The following ROCK2 variants were observed in gnomAD, a reference collection of about 807,000 sequenced individuals.
The protein encoded by ROCK2 is Rho associated coiled-coil containing protein kinase 2, also known as rho-associated protein kinase 2.
In ROCK2, 61 loss-of-function variants were observed where a neutral mutation model predicts 195.1. The ratio of observed to expected loss-of-function variants is 0.31; its 90% confidence interval spans 0.25 to 0.39. ROCK2 has a LOEUF of 0.39. Ranked by LOEUF, ROCK2 falls within the 10% of genes least tolerant of loss-of-function variation. The probability of loss-of-function intolerance (pLI) is 1.00; values close to 1 mark genes in which losing one functional copy is unlikely to be tolerated. For missense variants in ROCK2, 1,109 were observed against 1,637.4 expected (o/e 0.68, Z 5.57); for synonymous variants, 504 against 545.5 (o/e 0.92, Z 1.06).
At chr2:11,300,729 C>CA (rs767269934) in intron 1 of ROCK2, among the ~76,000 whole-genome samples, 22 of 152,092 alleles carry the variant, frequency 1.4e-4, no homozygotes, top group Non-Finnish European at 2.8e-4. Context: ...CCTGTTTCTA[C>CA]AAAATAGTAC....
At chr2:11,265,599 T>C (rs1666385255) in intron 3 of ROCK2, among the ~76,000 whole-genome samples, 1 of 152,210 alleles carries the variant, frequency 6.6e-6, no homozygotes. Context: ...TGGTTACCTT[T>C]ATGTTTGAAA....
upstream of ROCK2, among the ~76,000 whole-genome samples, chr2:11,344,759 C>T (rs1304720856): frequency 6.7e-6 from 1 of 149,858 alleles, no homozygotes; most frequent in Non-Finnish European, 1.5e-5. The surrounding 1 kb of genome is among the most constrained non-coding windows in gnomAD (Gnocchi z 5.4). Context: ...CCCTTTCTTT[C>T]CCTTCCTGCG....
chr2:11,318,075 G>A (rs1256378745), intron 1 of ROCK2, among the ~76,000 whole-genome samples: 11 of 152,130 alleles, frequency 7.2e-5, no homozygotes, highest in South Asian at 6.2e-4. Context: ...ATAAACATAC[G>A]TGTGCATGTG....
At position 11,202,129 on chromosome 2, in the gene ROCK2, G is replaced by C. The variant is rs369373069; in HGVS notation, c.2550-8C>G. 1.7e-5 allele frequency: 28 copies of C among 1,608,820 alleles called. No homozygotes were observed. The highest frequency in any genetic ancestry group is 2.1e-5 in the Non-Finnish European group (25 of 1,175,730). On this transcript the variant is annotated splice_polypyrimidine_tract_variant and splice_region_variant and intron_variant, in intron 20 of 32. Transcript: ENST00000315872. Reference sequence around the variant, plus strand: ...TCTGCATCCTGACGTTCTCTGTGAGGACAATGAATCAAAGGTTTAAATAAC... The same window carrying C: ...TCTGCATCCTGACGTTCTCTGTGAGCACAATGAATCAAAGGTTTAAATAAC...
At chr2:11,301,470 C>A (rs1667701659) in intron 1 of ROCK2, among the ~76,000 whole-genome samples, 1 of 151,988 alleles carries the variant, frequency 6.6e-6, no homozygotes, top group South Asian at 2.1e-4. Flanking sequence ...AATTAGGCAT[C>A]TTCTCATTCA....
intron 32 of ROCK2, among the ~76,000 whole-genome samples, chr2:11,186,140 CACAGCACAACATTTG>C (rs1185951413): frequency 6.6e-6 from 1 of 152,194 alleles, no homozygotes; most frequent in African/African-American, 2.4e-5. Flanking sequence ...ATGTGCTAAA[CACAGCACAACATTTG>C]AGAAAACACA....
rs1348160083 is a variant in ROCK2 at position 11,235,567 on chromosome 2, T to C, written c.723+135A>G. 2.4e-6 allele frequency: 2 copies of C among 824,446 alleles called. No homozygotes were observed. The highest frequency in any genetic ancestry group is 5.7e-5 in the Admixed American group (2 of 34,794). The allele number at this position is 824,446 out of a possible 1,614,324, so 51.1% of individuals were successfully genotyped here. A position where few individuals can be genotyped will look rare whatever the true frequency, so the allele number is the denominator to read the frequency against. ...GGTTAAGGAAATGTTTTAAGTTGGT[T>C]ATATCTTGTTTGGGTGCTATACAGT... On this transcript the variant is annotated intron_variant, in intron 5 of 32. Transcript: ENST00000315872. This position sits in a 1 kb window ranked among gnomAD's most constrained non-coding sequence, Gnocchi z 4.2.
At chr2:11,195,652 T>C (rs1663606395) in intron 27 of ROCK2, among the ~76,000 whole-genome samples, 1 of 152,144 alleles carries the variant, frequency 6.6e-6, no homozygotes, top group Admixed American at 6.5e-5. Context: ...GTAGCTGGGA[T>C]TACAGGCACG....
At position 11,217,138 on chromosome 2, in the gene ROCK2, T is replaced by C. The variant is rs758533507; in HGVS notation, c.1364A>G (p.His455Arg). 1.7e-5 allele frequency: 27 copies of C among 1,575,546 alleles called. No individual in the cohort carries two copies. In the East Asian group the frequency reaches 4.0e-4, roughly 24 times the overall value. Reference sequence around the variant, plus strand: ...TTTGGCTTGCATCTCATTGCTAAGATGTTCTTCTAATGTATACAGTTTTTT... The same window carrying C: ...TTTGGCTTGCATCTCATTGCTAAGACGTTCTTCTAATGTATACAGTTTTTT... ...IQKKLYTLEEHLSNEMQAKEE... is the reference protein window; with the variant it reads ...IQKKLYTLEERLSNEMQAKEE... Residue 455 changes from histidine to arginine, a missense_variant, in exon 12 of 33, where the codon CAT (histidine) becomes CGT (arginine). Transcript: ENST00000315872.
intron 1 of ROCK2, among the ~76,000 whole-genome samples, chr2:11,331,508 T>C (rs748670540): frequency 6.6e-6 from 1 of 151,876 alleles, no homozygotes; most frequent in Non-Finnish European, 1.5e-5. Context: ...GGGAAAGAAA[T>C]AAGTTTATAA....
intron 4 of ROCK2, among the ~76,000 whole-genome samples, chr2:11,248,708 CAAAAAAAAAAAAA>C (rs70953372): frequency 9.9e-4 from 45 of 45,420 alleles, no homozygotes; most frequent in African/African-American, 4.9e-3. Flanking sequence ...GACTTCATCT[CAAAAAAAAAAAAA>C]AAAAAAAAAA....
At position 11,230,446 on chromosome 2, in the gene ROCK2, A is replaced by G. The variant is rs142220551; in HGVS notation, c.724-3048T>C. Among the ~76,000 whole-genome samples the G allele has an allele frequency of 3.2e-3, 492 of 152,320 alleles. 2 individuals are homozygous for G. Among genetic ancestry groups the G allele is most frequent in the African/African-American group, 0.011 (440 of 41,572 alleles). On this transcript the variant is annotated intron_variant, in intron 5 of 32. Transcript: ENST00000315872. ...TTAGACAGCATATACGTAGGCCAAG[A>G]ATCATGATATATCATAGTACAGAAA...
chr2:11,239,076 T>A (rs1665331671), intron 4 of ROCK2, among the ~76,000 whole-genome samples: 1 of 151,794 alleles, frequency 6.6e-6, no homozygotes, highest in Non-Finnish European at 1.5e-5. Flanking sequence ...TCAAAATGAA[T>A]TATAGGCCTA....
In ROCK2 at chr2:11,179,998, C is replaced by G. The variant is rs899487105; in HGVS notation, c.*3439G>C. Reference sequence around the variant, plus strand: ...GGATGGGAGTCAGGGAGAGGCCCCCCCCCAAGCATGATATCCAGCGCTGTC... The same window carrying G: ...GGATGGGAGTCAGGGAGAGGCCCCCGCCCAAGCATGATATCCAGCGCTGTC... On this transcript the variant is annotated 3_prime_UTR_variant, in exon 33 of 33. Transcript: ENST00000315872. 1 of 151,972 alleles carries G rather than the reference C, an allele frequency of 6.6e-6. No homozygotes were observed. Among genetic ancestry groups the G allele is most frequent in the African/African-American group, 2.4e-5 (1 of 41,346 alleles). 9.4% of individuals were successfully genotyped at this position (151,972 alleles called of 1,614,324 possible).
rs1663829692 is a variant in ROCK2, at chr2:11,200,968, T to C, written c.2899A>G (p.Thr967Ala). The C allele has an allele frequency of 6.3e-7, 1 of 1,596,598 alleles. No individual in the cohort carries two copies. The highest frequency in any genetic ancestry group is 1.2e-5 in the South Asian group (1 of 86,464). The part of the protein sequence containing the change: ...HKQELTEKDA[T>A]IASLEETNRT... ...AGAATTTGACTTACAGAAGCAATTG[T>C]AGCATCTTTTTCCGTAAGTTCCTGT... Residue 967 changes from threonine (T) to alanine (A), a missense_variant, in exon 23 of 33, where the codon ACA becomes GCA. Thr to Ala is a moderately conservative substitution (Grantham distance 58). This residue lies in a region of ROCK2 where 542 missense variants were observed against 672.0 expected (regional missense o/e 0.81). Coordinates refer to ENST00000315872, the MANE Select transcript of ROCK2 (RefSeq NM_004850.5).
chr2:11,343,192 T>C (rs1402362853), intron 1 of ROCK2, among the ~76,000 whole-genome samples: 3 of 152,202 alleles, frequency 2.0e-5, no homozygotes, highest in South Asian at 2.1e-4. Flanking sequence ...ACTACTCAAA[T>C]TGCGAAATAC....
chr2:11,221,242 T>C lies in ROCK2; in HGVS notation c.1215A>G (p.Gly405=). 6.3e-7 allele frequency: 1 copy of C among 1,584,150 alleles called. No individual in the cohort carries two copies. Among genetic ancestry groups the C allele is most frequent in the Non-Finnish European group, 8.6e-7 (1 of 1,168,834 alleles). The stretch of plus-strand genomic sequence containing the variant: ...TAAATCCGATGAAAGGCAGCTGATT[T>C]CCAACAAAAGCTTTAGGAATTGGGA... ...ETFPIPKAFV[G]NQLPFIGFTY... The change falls in exon 9 of 33, where the codon GGA becomes GGG. Residue 405 remains glycine (G), a synonymous_variant. Coordinates refer to ENST00000315872, the MANE Select transcript of ROCK2 (RefSeq NM_004850.5).
intron 3 of ROCK2, among the ~76,000 whole-genome samples, chr2:11,263,207 C>T (rs1473554694): frequency 6.6e-6 from 1 of 152,204 alleles, no homozygotes; most frequent in Non-Finnish European, 1.5e-5. Flanking sequence ...CTTTAAAAGC[C>T]TGGCTTAAAA....
intron 4 of ROCK2, among the ~76,000 whole-genome samples, chr2:11,240,832 T>C (rs1046417520): frequency 6.6e-6 from 1 of 152,242 alleles, no homozygotes; most frequent in African/African-American, 2.4e-5. Flanking sequence ...CATACCTCAA[T>C]AAAGTTGTAT....
Sources: gnomAD v4.1 joint callset for allele counts (sites outside exome capture counted in the v4.1 genomes callset) on GRCh38, gnomAD v4.1.1 for gene constraint, gnomAD v4.1.1 regional missense constraint, Gnocchi (gnomAD v3.1) non-coding constraint, MANE v1.5 for transcripts, NCBI Gene and HGNC (gene_info 2026-07-23, HGNC 2026-07-21) for gene names.